ESRRG: variants seen among roughly 807,000 people sequenced by gnomAD.
ESRRG encodes the protein estrogen-related receptor gamma.
A neutral mutation model predicts 44.0 loss-of-function variants in ESRRG; 13 were observed. The observed-to-expected ratio is 0.30, with a 90% CI of 0.19 to 0.47. The LOEUF (loss-of-function observed/expected upper bound fraction) is 0.47. Ranked by LOEUF, ESRRG falls within the 20% of genes least tolerant of loss-of-function variation. The pLI, the probability that ESRRG is intolerant of heterozygous loss-of-function variation, is 1.00. For synonymous variants in ESRRG, 215 were observed against 214.6 expected (o/e 1.00, Z -0.02); for missense variants, 395 against 580.6 (o/e 0.68, Z 3.29).
At chr1:217,119,054 CACAGATACAGAT>C (rs1234599009) in intron 1 of ESRRG, among the ~76,000 whole-genome samples, 1 of 151,384 alleles carries the variant, frequency 6.6e-6, no homozygotes, top group Admixed American at 6.6e-5. Context: ...TAGATAGAGA[CACAGATACAGAT>C]ACAGATAGAT....
At chr1:216,711,919 T>C (rs2083688245) in intron 1 of ESRRG, among the ~76,000 whole-genome samples, 1 of 152,170 alleles carries the variant, frequency 6.6e-6, no homozygotes, top group Admixed American at 6.5e-5. Flanking sequence ...TACTTGACCA[T>C]TGTTTGACCT....
intron 5 of ESRRG, among the ~76,000 whole-genome samples, chr1:216,524,911 G>C (rs1251931431): frequency 6.6e-6 from 1 of 152,142 alleles, no homozygotes; most frequent in Non-Finnish European, 1.5e-5. Context: ...ATATCTACCA[G>C]TCCAAAACAG....
chr1:217,004,362 G>T (rs1456421004), intron 1 of ESRRG, among the ~76,000 whole-genome samples: 1 of 152,140 alleles, frequency 6.6e-6, no homozygotes, highest in African/African-American at 2.4e-5. Flanking sequence ...AACTGTTCTA[G>T]TGGTAGTGAA....
intron 1 of ESRRG, among the ~76,000 whole-genome samples, chr1:216,687,333 C>T (rs2078197306): frequency 6.6e-6 from 1 of 152,038 alleles, no homozygotes; most frequent in Non-Finnish European, 1.5e-5. Context: ...GAATGTTTGT[C>T]CCAGTGTGCG....
At chr1:216,654,829 GA>G (rs2070031068) in intron 2 of ESRRG, among the ~76,000 whole-genome samples, 1 of 152,028 alleles carries the variant, frequency 6.6e-6, no homozygotes, top group Admixed American at 6.6e-5. Flanking sequence ...ATATGAATAG[GA>G]TAAGAATAAA....
chr1:216,950,779 G>A (rs114023831), intron 1 of ESRRG, among the ~76,000 whole-genome samples: 7 of 152,116 alleles, frequency 4.6e-5, no homozygotes, highest in South Asian at 2.1e-4. Context: ...TCAGAAATTC[G>A]TATTCTTAGT....
chr1:216,808,195 T>G (rs2094858760), intron 2 of ESRRG, among the ~76,000 whole-genome samples: 1 of 152,106 alleles, frequency 6.6e-6, no homozygotes, highest in African/African-American at 2.4e-5. Flanking sequence ...GTTTTTGGAT[T>G]CGTGCTGATA....
At chr1:216,677,519 C>T in intron 1 of ESRRG, 28 bp from the exon 2 acceptor site, 1 of 1,550,564 alleles carries the variant, frequency 6.4e-7, no homozygotes, top group Non-Finnish European at 8.7e-7. Context: ...CAAAGAGAGA[C>T]AGAAAGAGGA....
At chr1:216,771,281 C>A (rs914849671) in intron 2 of ESRRG, among the ~76,000 whole-genome samples, 1 of 152,052 alleles carries the variant, frequency 6.6e-6, no homozygotes, top group Non-Finnish European at 1.5e-5. Flanking sequence ...TAAAGATGCT[C>A]AATAATGCTT....
chr1:216,640,348 C>T (rs1324914790), intron 3 of ESRRG, among the ~76,000 whole-genome samples: 1 of 152,124 alleles, frequency 6.6e-6, no homozygotes, highest in African/African-American at 2.4e-5. Flanking sequence ...GACCTACTCT[C>T]CACTGAGTGG....
chr1:216,970,720 A>T (rs1288564456), intron 1 of ESRRG, among the ~76,000 whole-genome samples: 5 of 152,210 alleles, frequency 3.3e-5, no homozygotes, highest in Non-Finnish European at 7.3e-5. Context: ...GACATTTTAG[A>T]TGAAGGACTA....
At chr1:216,625,065 C>G (rs933723607) in intron 3 of ESRRG, among the ~76,000 whole-genome samples, 4 of 152,124 alleles carry the variant, frequency 2.6e-5, no homozygotes, top group Admixed American at 1.3e-4. Flanking sequence ...AGATTTAACT[C>G]TGAATGCTAC....
Position 216,564,233 on chromosome 1 carries a change from G to T in ESRRG, c.848C>A (p.Ala283Glu). 2.7e-6 allele frequency: 4 copies of T among 1,508,206 alleles called. No individual in the cohort carries two copies. Among genetic ancestry groups the T allele is most frequent in the Non-Finnish European group, 2.7e-6 (3 of 1,127,130 alleles). The allele number at this position is 1,508,206 out of a possible 1,614,324, so 93.4% of individuals were successfully genotyped here. Residue 283 changes from alanine (A) to glutamate (E), a missense_variant, in exon 5 of 7, where the codon GCG becomes GAG. Ala to Glu is a moderately radical substitution (Grantham distance 107). This residue lies in a region of ESRRG where 167 missense variants were observed against 251.8 expected (regional missense o/e 0.66). Transcript: ENST00000408911. ...DRELVVIIGW[A>E]KHIPGFSTLS... ...AGAAAATGTACCTGGAATATGCTTC[G>T]CCCATCCAATGATAACCACCAACTC...
chr1:216,924,874 T>G (rs991253131), intron 2 of ESRRG, among the ~76,000 whole-genome samples: 1 of 152,166 alleles, frequency 6.6e-6, no homozygotes, highest in East Asian at 1.9e-4. Flanking sequence ...CCTCAGCCCC[T>G]AGCCTGACTT....
intron 1 of ESRRG, among the ~76,000 whole-genome samples, chr1:217,006,360 C>T (rs539859501): frequency 6.6e-6 from 1 of 152,050 alleles, no homozygotes; most frequent in South Asian, 2.1e-4. Flanking sequence ...CAAATAACAC[C>T]ATCAATAATT....
Position 217,043,593 on chromosome 1 carries a change from C to T in ESRRG, c.-106+45914G>A, listed in dbSNP as rs1370237443. 9.2e-5 allele frequency among the ~76,000 whole-genome samples: 14 copies of T among 152,184 alleles called. No homozygotes were observed. In the East Asian group the frequency reaches 2.7e-3, roughly 29 times the overall value. On this transcript the variant is annotated intron_variant, in intron 1 of 7. Transcript: ENST00000359162. ...AATTTTAAATTTAGCTACTTTTGTA[C>T]TTATTTTCATTGCTCTTACATTGAG...
At chr1:216,815,655 C>T (rs2095112109) in intron 2 of ESRRG, among the ~76,000 whole-genome samples, 2 of 152,154 alleles carry the variant, frequency 1.3e-5, no homozygotes, top group Non-Finnish European at 2.9e-5. Context: ...GCTTTATCTG[C>T]CAACTGAACC....
At chr1:216,533,878 T>C (rs957505130) in intron 5 of ESRRG, among the ~76,000 whole-genome samples, 6 of 152,104 alleles carry the variant, frequency 3.9e-5, no homozygotes, top group Non-Finnish European at 8.8e-5. Context: ...CATTATGCAA[T>C]GTAATAAAGG....
chr1:216,615,494 A>T (rs188739528), intron 3 of ESRRG, among the ~76,000 whole-genome samples: 1 of 152,258 alleles, frequency 6.6e-6, no homozygotes, highest in Non-Finnish European at 1.5e-5. Context: ...ATAACTTTGC[A>T]TCAGAAGCCC....
Sources: allele counts gnomAD v4.1 joint callset (sites outside exome capture counted in the v4.1 genomes callset), GRCh38; gene constraint gnomAD v4.1.1; regional missense constraint gnomAD v4.1.1; transcripts MANE v1.5; gene names NCBI Gene and HGNC (gene_info 2026-07-23, HGNC 2026-07-21).